DPP6: variants seen among roughly 807,000 people sequenced by gnomAD.
DPP6 encodes the protein A-type potassium channel modulatory protein DPP6.
Under a neutral mutation model 122.6 loss-of-function variants are expected in DPP6, and 69 were observed. The observed-to-expected ratio is 0.56, with a 90% CI of 0.46 to 0.69. The LOEUF (loss-of-function observed/expected upper bound fraction) is 0.69, where lower values mean the gene tolerates loss of function less well. Among genes scored for constraint, DPP6 ranks in the 30% least tolerant of loss-of-function variants. The probability of loss-of-function intolerance (pLI) is 0.00; values close to 1 mark genes in which losing one functional copy is unlikely to be tolerated. For synonymous variants in DPP6, 418 were observed against 433.1 expected, an observed-to-expected ratio of 0.97 and a Z score of 0.43; for missense variants, 928 against 1,116.9, an observed-to-expected ratio of 0.83 and a Z score of 2.41.
chr7:154,313,863 T>G (rs1807188715), intron 1 of DPP6, among the ~76,000 whole-genome samples: 1 of 150,838 alleles, frequency 6.6e-6, no homozygotes, highest in Non-Finnish European at 1.5e-5. Flanking sequence ...GAGCCAGATA[T>G]TTTGATGTTC....
the DPP6 span, among the ~76,000 whole-genome samples, chr7:153,870,125 T>A: frequency 6.6e-6 from 1 of 152,296 alleles, no homozygotes; most frequent in South Asian, 2.1e-4. Context: ...GACAATTATG[T>A]GTCTTGGAGT....
intron 1 of DPP6, among the ~76,000 whole-genome samples, chr7:154,315,580 T>A (rs950067070): frequency 2.0e-5 from 3 of 152,032 alleles, no homozygotes; most frequent in African/African-American, 7.2e-5. Flanking sequence ...TACTCAGTGC[T>A]CAAAGCTTAC....
chr7:154,241,193 G>A lies in DPP6; in HGVS notation c.243+188130G>A, dbSNP rs1388201451. Among the ~76,000 whole-genome samples, 2 of 146,456 alleles carry A rather than the reference G, an allele frequency of 1.4e-5. No individual in the cohort carries two copies. Among genetic ancestry groups the A allele is most frequent in the African/African-American group, 5.4e-5 (2 of 36,746 alleles). On this transcript the variant is annotated intron_variant, in intron 1 of 25. Transcript: ENST00000377770. The surrounding 1 kb of genome is among the most constrained non-coding windows in gnomAD (Gnocchi z 9.0). ...GGTAATTCAATATCAATATGTGTGT[G>A]TGTGTGTGTGTGTGTGTGTGTGTGT...
At chr7:154,471,853 AGAT>A (rs1345992196) in intron 2 of DPP6, among the ~76,000 whole-genome samples, 3 of 152,222 alleles carry the variant, frequency 2.0e-5, no homozygotes, top group African/African-American at 7.2e-5. Flanking sequence ...AAATATGAGT[AGAT>A]GATCTTGAAA....
In DPP6 at chr7:154,078,026, C is replaced by G. The variant is rs148395754; in HGVS notation, c.243+24963C>G. Among the ~76,000 whole-genome samples, 1,522 of 152,272 alleles carry G rather than the reference C, an allele frequency of 1.0e-2. 23 individuals carry two copies. The highest frequency in any genetic ancestry group is 0.034 in the African/African-American group (1,415 of 41,544). ...TTTCTTTCACAAAACCCTGGCTGTACAAGTATCCTCTGTAAACTTAGATAT... is the reference window on the plus strand; with the variant it reads ...TTTCTTTCACAAAACCCTGGCTGTAGAAGTATCCTCTGTAAACTTAGATAT... On this transcript the variant is annotated intron_variant, in intron 1 of 25. Transcript: ENST00000377770.
intron 1 of DPP6, among the ~76,000 whole-genome samples, chr7:154,392,358 C>T (rs1275608886): frequency 1.3e-5 from 2 of 152,230 alleles, no homozygotes; most frequent in African/African-American, 4.8e-5. Context: ...CTGAACCCAT[C>T]TCAGCAGAAA....
chr7:154,183,144 C>T (rs1798177338), intron 1 of DPP6, among the ~76,000 whole-genome samples: 1 of 152,204 alleles, frequency 6.6e-6, no homozygotes, highest in Non-Finnish European at 1.5e-5. Flanking sequence ...TGGCCTCCAT[C>T]ACTTTTCTCT....
At chr7:154,060,652 C>G (rs1381161768) in intron 1 of DPP6, among the ~76,000 whole-genome samples, 1 of 148,238 alleles carries the variant, frequency 6.7e-6, no homozygotes, top group Admixed American at 6.7e-5. Context: ...GAGGCACCCC[C>G]CACGAGAGTG....
At chr7:154,803,377 C>T (rs3823524) in intron 13 of DPP6, among the ~76,000 whole-genome samples, 23,049 of 152,204 alleles carry the variant, frequency 0.15, 2,860 homozygotes, top group African/African-American at 0.34. Flanking sequence ...TGTGGCAATA[C>T]AGGTCCAAAC....
In DPP6 at chr7:154,305,283, G is replaced by A. The variant is rs1806223411; in HGVS notation, c.244-140931G>A. 9.1e-6 allele frequency: 12 copies of A among 1,313,066 alleles called. 1 individual carries two copies. In the South Asian group the frequency reaches 2.9e-4, roughly 32 times the overall value. The allele number at this position is 1,313,066 out of a possible 1,614,324, so 81.3% of individuals were successfully genotyped here. ...CCCCACTAAGCAGCGGCAGCTTCCT[G>A]CTTCGGATCCTCTCTCTGCTGCTTG... On this transcript the variant is annotated intron_variant, in intron 1 of 25. Transcript: ENST00000377770.
chr7:154,382,417 G>A (rs946073045), intron 1 of DPP6, among the ~76,000 whole-genome samples: 2 of 152,180 alleles, frequency 1.3e-5, no homozygotes, highest in African/African-American at 4.8e-5. Flanking sequence ...TTTAGAACTT[G>A]TTGTCAAGAT....
chr7:154,510,469 G>A (rs986710854), intron 3 of DPP6, among the ~76,000 whole-genome samples: 33 of 152,160 alleles, frequency 2.2e-4, no homozygotes, highest in African/African-American at 8.0e-4. Context: ...GGAGGCTGAG[G>A]CAGGTGGATC....
At chr7:154,285,537 T>C (rs1804793238) in intron 1 of DPP6, among the ~76,000 whole-genome samples, 1 of 152,234 alleles carries the variant, frequency 6.6e-6, no homozygotes, top group Non-Finnish European at 1.5e-5. Context: ...AAAGCTAGGA[T>C]TACGGGCATG....
chr7:154,113,803 T>C (rs1159655206), intron 1 of DPP6, among the ~76,000 whole-genome samples: 1 of 152,194 alleles, frequency 6.6e-6, no homozygotes, highest in African/African-American at 2.4e-5. Context: ...TGTATGGATA[T>C]CCAGTTTTCC....
intron 5 of DPP6, 53 bp downstream of exon 5, chr7:154,566,969 C>A: frequency 7.9e-7 from 1 of 1,266,350 alleles, no homozygotes; most frequent in Non-Finnish European, 1.1e-6. Context: ...ATTCTAATAT[C>A]TCATTAAGTA....
intron 5 of DPP6, among the ~76,000 whole-genome samples, chr7:154,612,391 A>G (rs1259775519): frequency 6.6e-6 from 1 of 152,244 alleles, no homozygotes; most frequent in African/African-American, 2.4e-5. Context: ...AGAATGTTAT[A>G]TAAACAGATT....
At chr7:154,212,745 T>C (rs1264827340) in intron 1 of DPP6, among the ~76,000 whole-genome samples, 1 of 152,158 alleles carries the variant, frequency 6.6e-6, no homozygotes, top group South Asian at 2.1e-4. Flanking sequence ...TCCTTGACCT[T>C]GAAAATCACA....
chr7:154,395,974 T>C (rs1815049609), intron 1 of DPP6, among the ~76,000 whole-genome samples: 2 of 151,818 alleles, frequency 1.3e-5, no homozygotes, highest in African/African-American at 4.8e-5. Context: ...CATAAAGCGC[T>C]GTTGAATTCT....
chr7:153,974,815 A>G (rs1796210068), intron 1 of DPP6, among the ~76,000 whole-genome samples: 2 of 152,210 alleles, frequency 1.3e-5, no homozygotes, highest in South Asian at 4.1e-4. Flanking sequence ...TTTGCTGCAC[A>G]ATCTCTGTGC....
Sources: gnomAD v4.1 joint callset for allele counts (sites outside exome capture counted in the v4.1 genomes callset) on GRCh38, gnomAD v4.1.1 for gene constraint, Gnocchi (gnomAD v3.1) non-coding constraint, MANE v1.5 for transcripts, NCBI Gene and HGNC (gene_info 2026-07-23, HGNC 2026-07-21) for gene names.